Variants in KIAA0825 observed in about 807,000 individuals in gnomAD.
KIAA0825 encodes the protein KIAA0825.
KIAA0825 carries 119 observed loss-of-function variants against 147.6 expected under a neutral mutation model. That is an observed-to-expected ratio of 0.81 (90% CI 0.69 to 0.94). The LOEUF (loss-of-function observed/expected upper bound fraction) is 0.94. Among genes scored for constraint, KIAA0825 ranks in the 40% least tolerant of loss-of-function variants. The probability of loss-of-function intolerance (pLI) is 0.00; values close to 1 mark genes in which losing one functional copy is unlikely to be tolerated. For synonymous variants in KIAA0825, 470 were observed against 518.1 expected, an observed-to-expected ratio of 0.91 and a Z score of 1.26; for missense variants, 1,381 against 1,472.7, an observed-to-expected ratio of 0.94 and a Z score of 1.02.
intron 20 of KIAA0825, among the ~76,000 whole-genome samples, chr5:94,252,569 A>G (rs933370517): frequency 2.6e-5 from 4 of 151,994 alleles, no homozygotes; most frequent in Admixed American, 1.3e-4. Context: ...TGAGTTAACT[A>G]TTTGAAATTT....
At chr5:94,209,288 T>A (rs1292518911) in intron 20 of KIAA0825, among the ~76,000 whole-genome samples, 1 of 152,174 alleles carries the variant, frequency 6.6e-6, no homozygotes, top group Non-Finnish European at 1.5e-5. Context: ...GAAACACACA[T>A]AACACATACA....
chr5:94,421,690 A>C (rs1239751130), intron 14 of KIAA0825, among the ~76,000 whole-genome samples: 1 of 152,182 alleles, frequency 6.6e-6, no homozygotes, highest in Non-Finnish European at 1.5e-5. Context: ...TAATCAAAAT[A>C]CTTCCTAGAA....
chr5:94,246,616 G>A (rs1775626946), intron 20 of KIAA0825, among the ~76,000 whole-genome samples: 1 of 152,132 alleles, frequency 6.6e-6, no homozygotes, highest in South Asian at 2.1e-4. Context: ...GAATATTCTA[G>A]TAGAACTTTG....
chr5:94,604,020 A>AAG (rs1231629585), intron 1 of KIAA0825, among the ~76,000 whole-genome samples: 3 of 152,184 alleles, frequency 2.0e-5, no homozygotes, highest in Non-Finnish European at 4.4e-5. Context: ...ATAGATGAAC[A>AAG]AGACAGAAAA....
intron 12 of KIAA0825, 46 bp downstream of exon 12, chr5:94,462,341 C>A: frequency 1.1e-6 from 1 of 919,936 alleles, no homozygotes; most frequent in Non-Finnish European, 1.5e-6. Context: ...CTTTGTTAAT[C>A]ACGTTATATC....
chr5:94,151,105 A>G lies in KIAA0825; in HGVS notation c.*2902T>C, dbSNP rs1301500883. On this transcript the variant is annotated 3_prime_UTR_variant, in exon 21 of 21. Coordinates refer to ENST00000682413, the MANE Select transcript of KIAA0825 (RefSeq NM_001145678.3). ...TGTGAGAAACAAAAACTGCTTTGAA[A>G]TACCACTTCTTATTATACTTAAAAA... is the stretch of plus-strand genomic sequence containing the variant. Among the ~76,000 whole-genome samples, 4 of 152,196 alleles carry G rather than the reference A, an allele frequency of 2.6e-5. No individual in the cohort carries two copies. Among genetic ancestry groups the G allele is most frequent in the Non-Finnish European group, 5.9e-5 (4 of 68,032 alleles).
In KIAA0825 at chr5:94,311,243, GT is replaced by G. The variant is rs560691373; in HGVS notation, c.3710+73124del. Among the ~76,000 whole-genome samples, 140 of 145,732 alleles carry G rather than the reference GT, an allele frequency of 9.6e-4. 2 individuals carry two copies. The East Asian group carries it at 0.018, about 19-fold the overall frequency. On this transcript the variant is annotated intron_variant, in intron 20 of 20. Transcript: ENST00000682413. ...TTGTTTTTGGATTTTTGTTTTTTGG[GT>G]TTTTTTTTTGTTGTTGTTGTTCTTT...
chr5:94,223,713 C>G (rs1773869227), intron 20 of KIAA0825, among the ~76,000 whole-genome samples: 1 of 152,144 alleles, frequency 6.6e-6, no homozygotes, highest in Admixed American at 6.6e-5. Context: ...GATATTTTCT[C>G]TTTTAGGAAG....
At position 94,391,599 on chromosome 5, in the gene KIAA0825, A is replaced by C; in HGVS notation, c.3392T>G (p.Leu1131Arg). 1.9e-6 allele frequency: 3 copies of C among 1,551,564 alleles called. No individual in the cohort carries two copies. Among genetic ancestry groups the C allele is most frequent in the Non-Finnish European group, 1.7e-6 (2 of 1,146,862 alleles). The change falls in exon 18 of 21, where the codon CTC (leucine) becomes CGC (arginine). Residue 1131 changes from leucine to arginine, a missense_variant. Physicochemically the swap from Leu to Arg is moderately radical, Grantham distance 102. Transcript: ENST00000682413. ...CTCCCTGCCACCTGGTTTGTGGCAGAGATCCAGGACCATCGTGTTTATTTT... is the reference window on the plus strand; with the variant it reads ...CTCCCTGCCACCTGGTTTGTGGCAGCGATCCAGGACCATCGTGTTTATTTT... ...EQKINTMVLD[L>R]CHKPGGREYL...
intron 6 of KIAA0825, among the ~76,000 whole-genome samples, chr5:94,478,451 T>TCA (rs6149119): frequency 0.54 from 78,187 of 146,046 alleles, 20,758 homozygotes; most frequent in East Asian, 0.75. Context: ...CACATGTGCA[T>TCA]CACACACACA....
intron 3 of KIAA0825, 49 bp from the exon 4 acceptor site, chr5:94,524,147 C>T (rs1173484026): frequency 3.2e-6 from 4 of 1,258,286 alleles, no homozygotes; most frequent in Non-Finnish European, 3.3e-6. Flanking sequence ...TAGATAATGG[C>T]TTCATTTCAT....
At chr5:94,461,089 T>C (rs964516105) in intron 12 of KIAA0825, among the ~76,000 whole-genome samples, 3 of 151,942 alleles carry the variant, frequency 2.0e-5, no homozygotes, top group Non-Finnish European at 2.9e-5. Flanking sequence ...AGTACTTGCA[T>C]AGTTGTTAAA....
chr5:94,591,994 A>G (rs1784438199), intron 1 of KIAA0825, among the ~76,000 whole-genome samples: 1 of 152,180 alleles, frequency 6.6e-6, no homozygotes, highest in South Asian at 2.1e-4. Flanking sequence ...CTCCCATGAC[A>G]TGTGGAAATT....
chr5:94,191,020 G>A (rs1770634216), intron 20 of KIAA0825, among the ~76,000 whole-genome samples: 1 of 152,006 alleles, frequency 6.6e-6, no homozygotes, highest in African/African-American at 2.4e-5. Flanking sequence ...AATTTTTCAT[G>A]TTTATTGAAA....
At chr5:94,616,059 C>T (rs1685394723) in intron 1 of KIAA0825, among the ~76,000 whole-genome samples, 1 of 151,896 alleles carries the variant, frequency 6.6e-6, no homozygotes, top group South Asian at 2.1e-4. Flanking sequence ...CTATTACACG[C>T]CAGGCACAGT....
intron 2 of KIAA0825, among the ~76,000 whole-genome samples, chr5:94,540,818 A>C (rs1187255205): frequency 6.6e-6 from 1 of 152,236 alleles, no homozygotes; most frequent in Admixed American, 6.5e-5. Flanking sequence ...TAAACTGCTT[A>C]ACTTTGAAAA....
intron 14 of KIAA0825, among the ~76,000 whole-genome samples, chr5:94,424,152 T>TA (rs538196453): frequency 1.2e-4 from 18 of 152,254 alleles, no homozygotes; most frequent in Admixed American, 9.2e-4. Context: ...TAACTGTCCA[T>TA]AAAAAATACA....
intron 14 of KIAA0825, among the ~76,000 whole-genome samples, chr5:94,431,459 C>G (rs919402487): frequency 1.3e-5 from 2 of 152,174 alleles, no homozygotes; most frequent in Admixed American, 6.5e-5. Context: ...TATCCCTCCC[C>G]TCCTAAAACT....
chr5:94,196,885 T>C (rs1771182023), intron 20 of KIAA0825, among the ~76,000 whole-genome samples: 3 of 152,234 alleles, frequency 2.0e-5, no homozygotes, highest in Admixed American at 1.3e-4. Context: ...CCACATAGAT[T>C]GATTCCATGT....
Sources: allele counts gnomAD v4.1 joint callset (sites outside exome capture counted in the v4.1 genomes callset), GRCh38; gene constraint gnomAD v4.1.1; transcripts MANE v1.5; gene names NCBI Gene and HGNC (gene_info 2026-07-23, HGNC 2026-07-21).